WWOX: variants seen among roughly 807,000 people sequenced by gnomAD.
WWOX encodes WW domain containing oxidoreductase.
Under a neutral mutation model 46.2 loss-of-function variants are expected in WWOX, and 69 were observed. The ratio of observed to expected loss-of-function variants is 1.49; its 90% CI spans 1.23 to 1.82. The LOEUF is 1.82. WWOX is among the 40% of genes most tolerant of loss of function. WWOX has a pLI of 0.00. For synonymous variants in WWOX, 359 were observed against 202.6 expected (o/e 1.77, Z -6.56); for missense variants, 919 against 542.6 (o/e 1.69, Z -6.89).
intron 8 of WWOX, among the ~76,000 whole-genome samples, chr16:78,937,533 G>C (rs1390514563): frequency 3.7e-5 from 5 of 135,580 alleles, no homozygotes; most frequent in Non-Finnish European, 6.2e-5. Context: ...GAGTTCAAGT[G>C]ATCTGCCTTG....
chr16:78,437,153 C>G (rs1054446026), intron 8 of WWOX, among the ~76,000 whole-genome samples: 5 of 152,170 alleles, frequency 3.3e-5, no homozygotes, highest in African/African-American at 4.8e-5. Flanking sequence ...GCTCGGAAGC[C>G]CTGCCTTCAT....
At position 78,703,532 on chromosome 16, in the gene WWOX, T is replaced by C. The variant is rs557678643; in HGVS notation, c.1056+270780T>C. Among the ~76,000 whole-genome samples, 742 of 152,060 alleles carry C rather than the reference T, an allele frequency of 4.9e-3. 8 individuals carry two copies. The highest frequency in any genetic ancestry group is 5.4e-3 in the Non-Finnish European group (370 of 67,980). On this transcript the variant is annotated intron_variant, in intron 8 of 8. Coordinates refer to ENST00000566780, the MANE Select transcript of WWOX (RefSeq NM_016373.4). ...TCAGAGGGAGGCTGAAGCAGGAGGATCCCTTGAGTCCAGGAGTTTGAGGCT... is the reference window on the plus strand; with the variant it reads ...TCAGAGGGAGGCTGAAGCAGGAGGACCCCTTGAGTCCAGGAGTTTGAGGCT...
chr16:78,642,348 C>T (rs566760177), intron 8 of WWOX, among the ~76,000 whole-genome samples: 1 of 152,168 alleles, frequency 6.6e-6, no homozygotes, highest in African/African-American at 2.4e-5. Flanking sequence ...CTTCTGTCTC[C>T]AGATTCCTTG....
At chr16:78,219,305 CTCT>C (rs1282263682) in intron 5 of WWOX, among the ~76,000 whole-genome samples, 1 of 152,120 alleles carries the variant, frequency 6.6e-6, no homozygotes, top group African/African-American at 2.4e-5. Flanking sequence ...GAGTGTTTTG[CTCT>C]TCTTGTTAAT....
chr16:78,156,691 A>G (rs1287948829), intron 4 of WWOX, among the ~76,000 whole-genome samples: 1 of 152,142 alleles, frequency 6.6e-6, no homozygotes, highest in Non-Finnish European at 1.5e-5. Context: ...TGGGAGGTCG[A>G]GGTGGGTGGG....
rs185547572 is a variant in WWOX at position 78,154,740 on chromosome 16, T to C, written c.410-9443T>C. On this transcript the variant is annotated intron_variant, in intron 4 of 8. Coordinates refer to ENST00000566780, the MANE Select transcript of WWOX (RefSeq NM_016373.4). ...TTCCAAGGCATAGCTAGCATCCTAA[T>C]AGTCTCACACTTGACATAGTAGGGT... Among the ~76,000 whole-genome samples, 4 of 152,212 alleles carry C rather than the reference T, an allele frequency of 2.6e-5. No individual in the cohort carries two copies. The East Asian group carries it at 7.8e-4, about 30-fold the overall frequency.
intron 8 of WWOX, among the ~76,000 whole-genome samples, chr16:78,724,161 C>T (rs952670014): frequency 3.3e-5 from 5 of 152,282 alleles, no homozygotes; most frequent in Admixed American, 1.3e-4. Flanking sequence ...TGCCACATCC[C>T]GGTTCATATC....
At chr16:79,172,586 C>A (rs1039417472) in intron 8 of WWOX, among the ~76,000 whole-genome samples, 2 of 152,142 alleles carry the variant, frequency 1.3e-5, no homozygotes, top group African/African-American at 2.4e-5. Flanking sequence ...TGTGGAGCCT[C>A]TTTAGGAGTG....
chr16:78,271,284 G>T (rs879723848), intron 5 of WWOX, among the ~76,000 whole-genome samples: 13 of 152,172 alleles, frequency 8.5e-5, no homozygotes, highest in African/African-American at 3.1e-4. Context: ...TGCTTAGGTT[G>T]AAGGAATGAG....
intron 5 of WWOX, among the ~76,000 whole-genome samples, chr16:78,262,598 CA>C (rs1300649032): frequency 1.3e-5 from 2 of 152,124 alleles, no homozygotes; most frequent in Non-Finnish European, 2.9e-5. Flanking sequence ...GCATATAAGG[CA>C]TATATGCCCC....
rs1567570825 is a variant in WWOX at position 78,802,938 on chromosome 16, A to AAAC, written c.1056+370188_1056+370189insCAA. ...CTGAAAAAAAAAAAAAAAAAAAAAA[A>AAAC]AAAACAACAAACAGAAAAATGAACG... On this transcript the variant is annotated intron_variant, in intron 8 of 8. Coordinates refer to ENST00000566780, the MANE Select transcript of WWOX (RefSeq NM_016373.4). Among the ~76,000 whole-genome samples the AAAC allele has an allele frequency of 1.6e-3, 156 of 97,776 alleles. 19 individuals are homozygous for AAAC. Among genetic ancestry groups the AAAC allele is most frequent in the South Asian group, 2.1e-3 (5 of 2,438 alleles). The allele number at this position is 97,776 out of a possible 152,430, so 64.1% of individuals were successfully genotyped here.
chr16:79,192,717 C>A (rs2051161141), intron 8 of WWOX, among the ~76,000 whole-genome samples: 1 of 152,108 alleles, frequency 6.6e-6, no homozygotes, highest in Non-Finnish European at 1.5e-5. Flanking sequence ...TGGAGTCCAG[C>A]CCCTTTGCTT....
chr16:78,609,596 C>T (rs533796951), intron 8 of WWOX, among the ~76,000 whole-genome samples: 4 of 150,152 alleles, frequency 2.7e-5, no homozygotes, highest in African/African-American at 7.4e-5. Flanking sequence ...GACAGTGATT[C>T]CCTGGCTTCA....
At chr16:78,618,022 C>T (rs568595332) in intron 8 of WWOX, among the ~76,000 whole-genome samples, 19 of 152,178 alleles carry the variant, frequency 1.2e-4, no homozygotes, top group Admixed American at 3.9e-4. Context: ...TGCTATGAGC[C>T]AGATGTAGTG....
At chr16:78,915,480 C>A (rs753130277) in intron 8 of WWOX, among the ~76,000 whole-genome samples, 2 of 152,112 alleles carry the variant, frequency 1.3e-5, no homozygotes, top group Non-Finnish European at 2.9e-5. Context: ...CCTCTAATGA[C>A]GCTGGCCAAT....
chr16:78,753,698 A>T (rs1245122106), intron 8 of WWOX, among the ~76,000 whole-genome samples: 1 of 149,368 alleles, frequency 6.7e-6, no homozygotes, highest in Non-Finnish European at 1.5e-5. Context: ...GGTACTCAGG[A>T]GGCTGAGGTG....
At chr16:78,267,908 T>C (rs1320243324) in intron 5 of WWOX, among the ~76,000 whole-genome samples, 3 of 152,170 alleles carry the variant, frequency 2.0e-5, no homozygotes, top group East Asian at 1.9e-4. Context: ...GCCTTGACTT[T>C]CCAGGCTCAA....
intron 5 of WWOX, among the ~76,000 whole-genome samples, chr16:78,322,079 G>A (rs537406772): frequency 6.6e-6 from 1 of 152,214 alleles, no homozygotes; most frequent in East Asian, 1.9e-4. Context: ...TGTACAAAAA[G>A]CCAAATGGTT....
At chr16:78,431,470 C>G (rs1377314831) in intron 7 of WWOX, among the ~76,000 whole-genome samples, 1 of 152,086 alleles carries the variant, frequency 6.6e-6, no homozygotes, top group African/African-American at 2.4e-5. Context: ...CTAAAATAAT[C>G]CAGGAAAGCC....
Sources: gnomAD v4.1 joint callset for allele counts (sites outside exome capture counted in the v4.1 genomes callset) on GRCh38, gnomAD v4.1.1 for gene constraint, MANE v1.5 for transcripts, NCBI Gene and HGNC (gene_info 2026-07-23, HGNC 2026-07-21) for gene names.